The following GSK3B variants were observed in gnomAD, a reference collection of about 807,000 sequenced individuals.
GSK3B encodes glycogen synthase kinase 3 beta.
A neutral mutation model predicts 56.4 loss-of-function variants in GSK3B; 15 were observed. The ratio of observed to expected loss-of-function variants is 0.27; its 90% confidence interval spans 0.18 to 0.41. The LOEUF (loss-of-function observed/expected upper bound fraction) is 0.41, where lower values mean the gene tolerates loss of function less well. Ranked by LOEUF, GSK3B falls within the 10% of genes least tolerant of loss-of-function variation. The pLI, the probability that GSK3B is intolerant of heterozygous loss-of-function variation, is 1.00. For missense variants in GSK3B, 300 were observed against 513.4 expected (o/e 0.58, Z 4.02); for synonymous variants, 181 against 188.9 (o/e 0.96, Z 0.34).
At chr3:120,044,044 G>A (rs886661282) in intron 1 of GSK3B, among the ~76,000 whole-genome samples, 10 of 152,182 alleles carry the variant, frequency 6.6e-5, no homozygotes, top group South Asian at 6.2e-4. Flanking sequence ...GTGCATGGCC[G>A]GCCAGAGGCC....
intron 7 of GSK3B, among the ~76,000 whole-genome samples, chr3:119,896,408 T>A (rs984448439): frequency 6.6e-6 from 1 of 151,986 alleles, no homozygotes; most frequent in Non-Finnish European, 1.5e-5. Context: ...GGTATATGAA[T>A]CTCTTGGATT....
chr3:119,896,127 C>CAAAAAA (rs1161729921), intron 7 of GSK3B, among the ~76,000 whole-genome samples: 1 of 59,026 alleles, frequency 1.7e-5, no homozygotes, highest in Non-Finnish European at 3.5e-5. Context: ...GACTCTGTCT[C>CAAAAAA]AAAAAAAAAA....
At position 119,958,423 on chromosome 3, in the gene GSK3B, T is replaced by C. The variant is rs906012816; in HGVS notation, c.283-11072A>G. Among the ~76,000 whole-genome samples, 27 of 152,088 alleles carry C rather than the reference T, an allele frequency of 1.8e-4. No homozygotes were observed. In the East Asian group the frequency reaches 5.0e-3, roughly 28 times the overall value. ...TGGGTGTGGCAGCTCATGCCTGTAA[T>C]CCCAGCACTTTGGGAGGCTAAGGAA... On this transcript the variant is annotated intron_variant, in intron 2 of 10. Transcript: ENST00000264235.
At chr3:119,864,866 T>C (rs1233928149) in intron 8 of GSK3B, among the ~76,000 whole-genome samples, 1 of 152,180 alleles carries the variant, frequency 6.6e-6, no homozygotes, top group Non-Finnish European at 1.5e-5. Flanking sequence ...ATTGAGAAAT[T>C]AGGTAAAGTA....
intron 2 of GSK3B, among the ~76,000 whole-genome samples, chr3:119,984,605 G>GA (rs2057496839): frequency 6.6e-6 from 1 of 152,106 alleles, no homozygotes; most frequent in African/African-American, 2.4e-5. Flanking sequence ...AAATAAACTA[G>GA]AAAATCAAGA....
intron 1 of GSK3B, among the ~76,000 whole-genome samples, chr3:120,080,176 A>C (rs1289858729): frequency 6.6e-6 from 1 of 152,092 alleles, no homozygotes; most frequent in Non-Finnish European, 1.5e-5. Flanking sequence ...CTGTGGACCC[A>C]ACTAATGTGG....
chr3:120,030,323 T>C (rs2057965043), intron 1 of GSK3B, among the ~76,000 whole-genome samples: 1 of 152,188 alleles, frequency 6.6e-6, no homozygotes, highest in South Asian at 2.1e-4. Flanking sequence ...ATCCAAATTA[T>C]TACCATTTGA....
At chr3:120,064,034 T>C (rs1163900377) in intron 1 of GSK3B, among the ~76,000 whole-genome samples, 2 of 152,024 alleles carry the variant, frequency 1.3e-5, no homozygotes, top group East Asian at 3.8e-4. Flanking sequence ...AATTTAACTG[T>C]ACCTCCCTAG....
At chr3:120,063,513 G>A (rs1466755289) in intron 1 of GSK3B, among the ~76,000 whole-genome samples, 2 of 149,436 alleles carry the variant, frequency 1.3e-5, no homozygotes, top group Non-Finnish European at 3.0e-5. Context: ...GATCACCTGA[G>A]GTCAGGAGGT....
intron 2 of GSK3B, among the ~76,000 whole-genome samples, chr3:119,953,448 T>G (rs367560814): frequency 9.3e-5 from 14 of 150,572 alleles, no homozygotes; most frequent in African/African-American, 3.4e-4. Context: ...ATACTTTAGA[T>G]TCAAAGACAC....
intron 2 of GSK3B, among the ~76,000 whole-genome samples, chr3:119,952,666 T>C (rs946697803): frequency 7.1e-6 from 1 of 140,184 alleles, no homozygotes; most frequent in Admixed American, 7.0e-5. Context: ...GGAAAAACAA[T>C]ACAATTAATA....
chr3:119,910,284 G>A (rs2056722679), intron 6 of GSK3B, among the ~76,000 whole-genome samples: 2 of 152,084 alleles, frequency 1.3e-5, no homozygotes, highest in South Asian at 4.2e-4. Context: ...ATTCTATACA[G>A]GCATACGTCA....
intron 1 of GSK3B, among the ~76,000 whole-genome samples, chr3:120,045,493 TCTTC>T (rs1467175974): frequency 1.3e-5 from 2 of 151,762 alleles, no homozygotes; most frequent in Admixed American, 6.6e-5. Flanking sequence ...TCCCCTTCCC[TCTTC>T]CTTATTTAAA....
chr3:119,967,809 C>CCTCT (rs2057331652), intron 2 of GSK3B, among the ~76,000 whole-genome samples: 1 of 140,752 alleles, frequency 7.1e-6, no homozygotes, highest in South Asian at 2.4e-4. Context: ...TCCCTCTCTC[C>CCTCT]CTCCCTCCCT....
chr3:120,032,918 G>T (rs1426412617), intron 1 of GSK3B, among the ~76,000 whole-genome samples: 1 of 152,108 alleles, frequency 6.6e-6, no homozygotes, highest in Non-Finnish European at 1.5e-5. Flanking sequence ...CACATTGAAC[G>T]ATTTTTAGTA....
chr3:120,079,305 TACACACACACACACACACACAC>T (rs61338597), intron 1 of GSK3B, among the ~76,000 whole-genome samples: 14 of 128,418 alleles, frequency 1.1e-4, no homozygotes, highest in Non-Finnish European at 1.6e-4. Flanking sequence ...GACAGGAAAT[TACACACACACACACACACACAC>T]ACACACACAC....
At position 119,821,390 on chromosome 3, in the gene GSK3B, G is replaced by C. The variant is rs1290660435; in HGVS notation, c.*5398C>G. The C allele has an allele frequency of 1.3e-5, 2 of 152,196 alleles. No individual in the cohort carries two copies. Among genetic ancestry groups the C allele is most frequent in the Admixed American group, 1.3e-4 (2 of 15,284 alleles). The allele number at this position is 152,196 out of a possible 1,614,324, so 9.4% of individuals were successfully genotyped here. On this transcript the variant is annotated 3_prime_UTR_variant, in exon 11 of 11. Transcript: ENST00000264235. The stretch of plus-strand genomic sequence containing the variant: ...TATATCTAGCCTTTAGATTAGGCCT[G>C]ACAGAGTGAGCCAGCCCTAAAAAAA...
intron 9 of GSK3B, among the ~76,000 whole-genome samples, chr3:119,855,249 C>T (rs1183399159): frequency 6.6e-6 from 1 of 152,118 alleles, no homozygotes; most frequent in East Asian, 1.9e-4. Flanking sequence ...CACTGGCCAC[C>T]AGAGAAATGC....
chr3:120,040,721 T>C (rs1490864318), intron 1 of GSK3B, among the ~76,000 whole-genome samples: 1 of 152,004 alleles, frequency 6.6e-6, no homozygotes, highest in Non-Finnish European at 1.5e-5. Context: ...TGTTAAAATA[T>C]TGGAAAGATA....
Sources: gnomAD v4.1 joint callset for allele counts (sites outside exome capture counted in the v4.1 genomes callset) on GRCh38, gnomAD v4.1.1 for gene constraint, MANE v1.5 for transcripts, NCBI Gene and HGNC (gene_info 2026-07-23, HGNC 2026-07-21) for gene names.